The following SMO variants were observed in gnomAD, a reference collection of about 807,000 sequenced individuals.
SMO encodes the protein protein smoothened.
A neutral mutation model predicts 81.6 loss-of-function variants in SMO; 40 were observed. The observed-to-expected ratio is 0.49, with a 90% CI of 0.38 to 0.64. SMO has a LOEUF of 0.64. Ranked by LOEUF, SMO falls within the 30% of genes least tolerant of loss-of-function variation. SMO has a pLI of 0.00. For missense variants in SMO, 916 were observed against 1,061.1 expected (o/e 0.86, Z 1.90); for synonymous variants, 434 against 432.1 (o/e 1.00, Z -0.05).
Position 129,212,899 on chromosome 7 carries a change from G to A in SMO, c.*448G>A, listed in dbSNP as rs1793902973. On this transcript the variant is annotated 3_prime_UTR_variant, in exon 12 of 12. Coordinates refer to ENST00000249373, the MANE Select transcript of SMO (RefSeq NM_005631.5). The surrounding 1 kb of genome is among the most constrained non-coding windows in gnomAD (Gnocchi z 5.0). ...TGGGTGCCCTTTCCTGGCAGTCTCA[G>A]TCCAAAAGTGTTGACTGTGTCATTA... 2 of 280,638 alleles carry A rather than the reference G, an allele frequency of 7.1e-6. No homozygotes were observed. Among genetic ancestry groups the A allele is most frequent in the African/African-American group, 2.2e-5 (1 of 46,484 alleles). The allele number at this position is 280,638 out of a possible 1,614,324, so 17.4% of individuals were successfully genotyped here. A position where few individuals can be genotyped will look rare whatever the true frequency, so the allele number is the denominator to read the frequency against.
rs1046437984 is a variant in SMO at position 129,210,223 on chromosome 7, T to G, written c.1467-140T>G. ...TGGGAGGCTGAAGCAGGAGATTGCC[T>G]GAGCCCAGGAGTTGGAAGCTGCAGT... On this transcript the variant is annotated intron_variant, in intron 8 of 11. Coordinates refer to ENST00000249373, the MANE Select transcript of SMO (RefSeq NM_005631.5). This position sits in a 1 kb window ranked among gnomAD's most constrained non-coding sequence, Gnocchi z 4.7. 3 of 663,120 alleles carry G rather than the reference T, an allele frequency of 4.5e-6. No homozygotes were observed. The highest frequency in any genetic ancestry group is 5.6e-5 in the Admixed American group (2 of 35,794). The allele number at this position is 663,120 out of a possible 1,614,324, so 41.1% of individuals were successfully genotyped here.
In SMO at chr7:129,213,265, C is replaced by T. The variant is rs747902501; in HGVS notation, c.*814C>T. The T allele has an allele frequency of 3.4e-5, 8 of 233,146 alleles. No homozygotes were observed. Among genetic ancestry groups the T allele is most frequent in the Non-Finnish European group, 5.1e-5 (6 of 118,064 alleles). The allele number at this position is 233,146 out of a possible 1,614,324, so 14.4% of individuals were successfully genotyped here. A position where few individuals can be genotyped will look rare whatever the true frequency, so the allele number is the denominator to read the frequency against. ...GGGATAGGAGCAGTGAGTGACAAAG[C>T]CTCTGAAAGATGCATCATCTCTTCC... On this transcript the variant is annotated 3_prime_UTR_variant, in exon 12 of 12. Coordinates refer to ENST00000249373, the MANE Select transcript of SMO (RefSeq NM_005631.5).
Position 129,211,463 on chromosome 7 carries a change from G to T in SMO, c.1802-173G>T, listed in dbSNP as rs1202401358. On this transcript the variant is annotated intron_variant, in intron 10 of 11. Coordinates refer to ENST00000249373, the MANE Select transcript of SMO (RefSeq NM_005631.5). This position sits in a 1 kb window ranked among gnomAD's most constrained non-coding sequence, Gnocchi z 4.6. ...CAGTTAGGCCCTTTGGGGACGTGAGGCCCTTCTCTTCAGATTCTGAAGGGG... is the reference window on the plus strand; with the variant it reads ...CAGTTAGGCCCTTTGGGGACGTGAGTCCCTTCTCTTCAGATTCTGAAGGGG... 2 of 777,454 alleles carry T rather than the reference G, an allele frequency of 2.6e-6. No homozygotes were observed. Among genetic ancestry groups the T allele is most frequent in the Admixed American group, 2.0e-5 (1 of 50,366 alleles). 48.2% of individuals were successfully genotyped at this position (777,454 alleles called of 1,614,324 possible). A position where few individuals can be genotyped will look rare whatever the true frequency, so the allele number is the denominator to read the frequency against.
chr7:129,207,001 C>T (rs548651094), intron 6 of SMO, among the ~76,000 whole-genome samples: 3 of 152,282 alleles, frequency 2.0e-5, no homozygotes, highest in Admixed American at 6.5e-5. Context: ...TGCACCACCA[C>T]GTCTGGCTAA....
chr7:129,191,601 G>C (rs554995017), intron 1 of SMO, among the ~76,000 whole-genome samples: 1 of 152,130 alleles, frequency 6.6e-6, no homozygotes, highest in South Asian at 2.1e-4. Context: ...CCCAAGCCTC[G>C]TGTGAGAATC....
chr7:129,211,818 TG>T lies in SMO; in HGVS notation c.1936+53del. ...AGGAAGGTGGGGGGAGCACAGAGGC[TG>T]GGGGCTTCTGGGACTGGAGTACAGG... On this transcript the variant is annotated intron_variant, in intron 11 of 11. Coordinates refer to ENST00000249373, the MANE Select transcript of SMO (RefSeq NM_005631.5). The surrounding 1 kb of genome is among the most constrained non-coding windows in gnomAD (Gnocchi z 4.6). 1 of 1,608,170 alleles carries T rather than the reference TG, an allele frequency of 6.2e-7. No individual in the cohort carries two copies. The highest frequency in any genetic ancestry group is 8.5e-7 in the Non-Finnish European group (1 of 1,175,158).
intron 2 of SMO, among the ~76,000 whole-genome samples, chr7:129,204,789 G>A (rs2150647678): frequency 6.6e-6 from 1 of 152,148 alleles, no homozygotes; most frequent in South Asian, 2.1e-4. Context: ...AGGCCGAGGT[G>A]GGTGGATCAT....
chr7:129,212,031 A>T lies in SMO; in HGVS notation c.1944A>T (p.Pro648=), dbSNP rs776709311. The T allele has an allele frequency of 6.3e-7, 1 of 1,585,972 alleles. No homozygotes were observed. Among genetic ancestry groups the T allele is most frequent in the Admixed American group, 1.7e-5 (1 of 58,562 alleles). ...TGTCTCTCCTCCTGTCAGTGCCCCCAGAGGAACAAGCCAACCTGTGGCTGG... is the reference window on the plus strand; with the variant it reads ...TGTCTCTCCTCCTGTCAGTGCCCCCTGAGGAACAAGCCAACCTGTGGCTGG... ...SVTPVATPVP[P]EEQANLWLVE... is the part of the protein sequence containing the mutation. The change falls in exon 12 of 12, where the codon CCA becomes CCT. Residue 648 remains proline (P), a synonymous_variant. Coordinates refer to ENST00000249373, the MANE Select transcript of SMO (RefSeq NM_005631.5). This position sits in a 1 kb window ranked among gnomAD's most constrained non-coding sequence, Gnocchi z 5.0.
chr7:129,203,174 G>A (rs1038016270), intron 1 of SMO, among the ~76,000 whole-genome samples: 2 of 152,230 alleles, frequency 1.3e-5, no homozygotes, highest in Non-Finnish European at 2.9e-5. Flanking sequence ...CTGGCATTGA[G>A]TTGGCAGAGT....
At chr7:129,202,919 A>G (rs577263565) in intron 1 of SMO, among the ~76,000 whole-genome samples, 9 of 152,228 alleles carry the variant, frequency 5.9e-5, no homozygotes, top group East Asian at 3.8e-4. Flanking sequence ...TAAAACTTAA[A>G]TGATAGTAAG....
Position 129,205,358 on chromosome 7 carries a change from C to A in SMO, c.693C>A (p.His231Gln), listed in dbSNP as rs2150648435. The A allele has an allele frequency of 1.9e-6, 3 of 1,613,846 alleles. No individual in the cohort carries two copies. Among genetic ancestry groups the A allele is most frequent in the Non-Finnish European group, 2.5e-6 (3 of 1,179,892 alleles). Residue 231 changes from histidine (H) to glutamine (Q), a missense_variant, in exon 3 of 12, where the codon CAC (histidine) becomes CAA (glutamine). Physicochemically the swap from His to Gln is conservative, Grantham distance 24. This residue lies in a region of SMO where 436 missense variants were observed against 570.9 expected (regional missense o/e 0.76). Coordinates refer to ENST00000249373, the MANE Select transcript of SMO (RefSeq NM_005631.5). ...CAGAGGCTGAGCACCAGGACATGCA[C>A]AGCTACATCGCGGCCTTCGGGGCCG... ...LFTEAEHQDM[H>Q]SYIAAFGAVT...
rs2150651890 is a variant in SMO at position 129,208,378 on chromosome 7, G to A, written c.1265-381G>A. Among the ~76,000 whole-genome samples, 1 of 152,150 alleles carries A rather than the reference G, an allele frequency of 6.6e-6. No homozygotes were observed. Among genetic ancestry groups the A allele is most frequent in the East Asian group, 1.9e-4 (1 of 5,184 alleles). The stretch of plus-strand genomic sequence containing the variant: ...AGGCAGGAGAATTGCTTGAACCTGG[G>A]AGGCGGAGTTTACAATGAGCCGAGA... On this transcript the variant is annotated intron_variant, in intron 6 of 11. Coordinates refer to ENST00000249373, the MANE Select transcript of SMO (RefSeq NM_005631.5). This position sits in a 1 kb window ranked among gnomAD's most constrained non-coding sequence, Gnocchi z 5.2.
rs758584897 is a variant in SMO, at chr7:129,212,270, G to A, written c.2183G>A (p.Gly728Glu). Residue 728 changes from glycine (G) to glutamate (E), a missense_variant, in exon 12 of 12, where the codon GGA becomes GAA. Transcript: ENST00000249373. This position sits in a 1 kb window ranked among gnomAD's most constrained non-coding sequence, Gnocchi z 5.0. ...AWGAGDSCRQ[G>E]AWTLVSNPFC... ...GGAGCTGGGGACTCTTGCCGACAGG[G>A]AGCGTGGACCCTGGTCTCCAACCCA... is the stretch of plus-strand genomic sequence containing the variant. The A allele has an allele frequency of 1.2e-6, 2 of 1,611,882 alleles. No homozygotes were observed. The highest frequency in any genetic ancestry group is 1.1e-5 in the South Asian group (1 of 90,774).
chr7:129,212,384 TG>T lies in SMO; in HGVS notation c.2301del (p.Pro768LeufsTer8). The T allele has an allele frequency of 6.2e-7, 1 of 1,614,052 alleles. No individual in the cohort carries two copies. Among genetic ancestry groups the T allele is most frequent in the Non-Finnish European group, 8.5e-7 (1 of 1,180,038 alleles). Reference protein sequence around the residue: ...VAWAHGRRQGLGPIHSRTNLM... With the variant: ...VAWAHGRRQGXGPIHSRTNLM... ...TGGGCTCATGGCCGCCGACAGGGCC[TG>T]GGGCCTATTCACTCCCGCACCAACC... On this transcript the variant is annotated frameshift_variant, in exon 12 of 12. Coordinates refer to ENST00000249373, the MANE Select transcript of SMO (RefSeq NM_005631.5). LOFTEE classifies it high-confidence loss of function. This position sits in a 1 kb window ranked among gnomAD's most constrained non-coding sequence, Gnocchi z 5.0.
At position 129,210,719 on chromosome 7, in the gene SMO, T is replaced by C. The variant is rs1190064868; in HGVS notation, c.1652+171T>C. Reference sequence around the variant, plus strand: ...GTGGCCTGATGCCTGGGCCTGGGCCTGGGCCAAGGGCAGAGCCAGCTGCCA... The same window carrying C: ...GTGGCCTGATGCCTGGGCCTGGGCCCGGGCCAAGGGCAGAGCCAGCTGCCA... On this transcript the variant is annotated intron_variant, in intron 9 of 11. Transcript: ENST00000249373. This position sits in a 1 kb window ranked among gnomAD's most constrained non-coding sequence, Gnocchi z 4.7. Among the ~76,000 whole-genome samples the C allele has an allele frequency of 6.6e-6, 1 of 152,232 alleles. No individual in the cohort carries two copies. Among genetic ancestry groups the C allele is most frequent in the Non-Finnish European group, 1.5e-5 (1 of 68,034 alleles).
rs540375328 is a variant in SMO at position 129,199,470 on chromosome 7, C to T, written c.332-3914C>T. Among the ~76,000 whole-genome samples the T allele has an allele frequency of 3.3e-5, 5 of 152,296 alleles. No individual in the cohort carries two copies. The East Asian group carries it at 9.6e-4, about 29-fold the overall frequency. On this transcript the variant is annotated intron_variant, in intron 1 of 11. Coordinates refer to ENST00000249373, the MANE Select transcript of SMO (RefSeq NM_005631.5). ...CTGTTGGGATTACAGGCGTGAGCCA[C>T]CACCATGCTCAGCCTTCTTTATGTT... is the stretch of plus-strand genomic sequence containing the variant.
chr7:129,189,246 C>T lies in SMO; in HGVS notation c.95C>T (p.Ser32Leu), dbSNP rs1318658029. 1 of 1,216,808 alleles carries T rather than the reference C, an allele frequency of 8.2e-7. No homozygotes were observed. The highest frequency in any genetic ancestry group is 1.0e-6 in the Non-Finnish European group (1 of 973,212). The allele number at this position is 1,216,808 out of a possible 1,614,324, so 75.4% of individuals were successfully genotyped here. A position where few individuals can be genotyped will look rare whatever the true frequency, so the allele number is the denominator to read the frequency against. ...GGGGACCCGGGCCGGGGGGCGGCCT[C>T]GAGCGGGAACGCGACCGGGCCTGGG... ...LLGDPGRGAA[S>L]SGNATGPGPR... is the part of the protein sequence containing the mutation. Residue 32 changes from serine to leucine, a missense_variant, in exon 1 of 12, where the codon TCG becomes TTG. Transcript: ENST00000249373. The surrounding 1 kb of genome is among the most constrained non-coding windows in gnomAD (Gnocchi z 4.7).
chr7:129,209,232 C>G (rs1414961660), intron 7 of SMO, 57 bp from the exon 8 acceptor site: 3 of 1,033,764 alleles, frequency 2.9e-6, no homozygotes, highest in Non-Finnish European at 4.6e-6. Flanking sequence ...CTCTCCTCCC[C>G]ACTGCTGCTG....
chr7:129,201,073 G>T (rs1265766834), intron 1 of SMO, among the ~76,000 whole-genome samples: 1 of 151,914 alleles, frequency 6.6e-6, no homozygotes, highest in Admixed American at 6.6e-5. Context: ...TCGAGACGGG[G>T]CCTTGCTCTG....
Sources: gnomAD v4.1 joint callset for allele counts (sites outside exome capture counted in the v4.1 genomes callset) on GRCh38, gnomAD v4.1.1 for gene constraint, gnomAD v4.1.1 regional missense constraint, Gnocchi (gnomAD v3.1) non-coding constraint, MANE v1.5 for transcripts, NCBI Gene and HGNC (gene_info 2026-07-23, HGNC 2026-07-21) for gene names.